BRINP1: variants seen among roughly 807,000 people sequenced by gnomAD.
The protein encoded by BRINP1 is BMP/retinoic acid inducible neural specific 1, also known as BMP/retinoic acid-inducible neural-specific protein 1.
Under a neutral mutation model 72.9 loss-of-function variants are expected in BRINP1, and 17 were observed. The observed-to-expected ratio is 0.23, with a 90% CI of 0.16 to 0.35. The LOEUF (loss-of-function observed/expected upper bound fraction) is 0.35. BRINP1 is among the 10% of genes least tolerant of loss of function. The pLI, the probability that BRINP1 is intolerant of heterozygous loss-of-function variation, is 1.00. For synonymous variants in BRINP1, 418 were observed against 378.5 expected (o/e 1.10, Z -1.21); for missense variants, 850 against 1,001.6 (o/e 0.85, Z 2.04).
chr9:119,341,274 G>A (rs1381941598), intron 1 of BRINP1, among the ~76,000 whole-genome samples: 3 of 152,118 alleles, frequency 2.0e-5, no homozygotes, highest in Non-Finnish European at 4.4e-5. Flanking sequence ...ATGGAGACTC[G>A]ATTTTTCATA....
chr9:119,323,023 T>G (rs1264879255), intron 1 of BRINP1, among the ~76,000 whole-genome samples: 2 of 152,180 alleles, frequency 1.3e-5, no homozygotes, highest in East Asian at 3.9e-4. Context: ...AATGCACTTT[T>G]TGGGGATTCT....
chr9:119,267,210 G>A (rs556623403), intron 2 of BRINP1, among the ~76,000 whole-genome samples: 9 of 152,296 alleles, frequency 5.9e-5, no homozygotes, highest in African/African-American at 2.2e-4. Context: ...GAAGAATCAT[G>A]GATACTTACT....
chr9:119,277,115 A>G (rs1830664713), intron 2 of BRINP1, among the ~76,000 whole-genome samples: 1 of 152,160 alleles, frequency 6.6e-6, no homozygotes, highest in Non-Finnish European at 1.5e-5. Context: ...TGCCTTTGAG[A>G]TTCGCTCAAG....
Position 119,240,140 on chromosome 9 carries a change from G to A in BRINP1, c.580-1380C>T, listed in dbSNP as rs139598538. ...AAAAATTAGCTGGGCATGGTGGCGC[G>A]CACCTGTAGTCCCAGCTACTTGGGA... On this transcript the variant is annotated intron_variant, in intron 4 of 7. Transcript: ENST00000265922. Among the ~76,000 whole-genome samples the A allele has an allele frequency of 6.0e-4, 91 of 152,122 alleles. No homozygotes were observed. In the East Asian group the frequency reaches 0.01, roughly 17 times the overall value.
At position 119,249,014 on chromosome 9, in the gene BRINP1, C is replaced by G; in HGVS notation, c.355G>C (p.Asp119His). ...GRRPTTQQFI[D>H]TIIKKYGTHL... is the part of the protein sequence containing the mutation. Reference sequence around the variant, plus strand: ...GTGCCGTACTTTTTGATGATGGTATCGATGAACTGCTGAGTGGTAGGTCTC... The same window carrying G: ...GTGCCGTACTTTTTGATGATGGTATGGATGAACTGCTGAGTGGTAGGTCTC... The change falls in exon 3 of 8, where the codon GAT (aspartate) becomes CAT (histidine). Residue 119 changes from aspartate to histidine, a missense_variant. By Grantham distance (81) the Asp-to-His change is moderately conservative (BLOSUM62 -1). Coordinates refer to ENST00000265922, the MANE Select transcript of BRINP1 (RefSeq NM_014618.3). 1 of 1,613,984 alleles carries G rather than the reference C, an allele frequency of 6.2e-7. No individual in the cohort carries two copies. Among genetic ancestry groups the G allele is most frequent in the South Asian group, 1.1e-5 (1 of 91,052 alleles).
intron 7 of BRINP1, among the ~76,000 whole-genome samples, chr9:119,196,144 C>T (rs1008630651): frequency 3.9e-5 from 6 of 152,092 alleles, no homozygotes; most frequent in African/African-American, 1.4e-4. Flanking sequence ...AGAGATGTGA[C>T]CATATTTAAG....
At chr9:119,360,138 C>T (rs1216096561) in intron 1 of BRINP1, among the ~76,000 whole-genome samples, 2 of 152,180 alleles carry the variant, frequency 1.3e-5, no homozygotes, top group Non-Finnish European at 2.9e-5. Flanking sequence ...TCTCTCAGTC[C>T]TCCCTAGCCT....
intron 7 of BRINP1, among the ~76,000 whole-genome samples, chr9:119,202,662 T>C (rs1829817669): frequency 6.6e-6 from 1 of 152,154 alleles, no homozygotes; most frequent in Non-Finnish European, 1.5e-5. Context: ...AGCTGCAGTC[T>C]GACACTAGGG....
intron 5 of BRINP1, among the ~76,000 whole-genome samples, chr9:119,233,844 G>A (rs530979056): frequency 4.6e-5 from 7 of 151,974 alleles, no homozygotes; most frequent in African/African-American, 1.5e-4. Flanking sequence ...TCCTAAAACC[G>A]TGTATTTGTT....
chr9:119,245,519 T>G (rs1235499852), intron 3 of BRINP1, among the ~76,000 whole-genome samples: 6 of 152,158 alleles, frequency 3.9e-5, no homozygotes, highest in Non-Finnish European at 5.9e-5. Flanking sequence ...TCTTGTGTGT[T>G]TTTCCCTTCA....
At chr9:119,354,120 A>G (rs1163557316) in intron 1 of BRINP1, among the ~76,000 whole-genome samples, 2 of 152,138 alleles carry the variant, frequency 1.3e-5, no homozygotes, top group Non-Finnish European at 2.9e-5. Context: ...ATCTGAAATA[A>G]TATGGATCAT....
intron 1 of BRINP1, among the ~76,000 whole-genome samples, chr9:119,341,183 G>C (rs1455261974): frequency 6.6e-6 from 1 of 152,094 alleles, no homozygotes; most frequent in African/African-American, 2.4e-5. Flanking sequence ...GCAAAAGTTG[G>C]GAAGACACCA....
chr9:119,246,435 C>G (rs748934520), intron 3 of BRINP1, among the ~76,000 whole-genome samples: 1 of 152,210 alleles, frequency 6.6e-6, no homozygotes, highest in Non-Finnish European at 1.5e-5. Context: ...GATGTTTCCT[C>G]TCCTTGAACA....
intron 5 of BRINP1, among the ~76,000 whole-genome samples, chr9:119,219,985 A>T (rs1284269936): frequency 6.6e-6 from 1 of 152,052 alleles, no homozygotes; most frequent in Non-Finnish European, 1.5e-5. Context: ...TGGCCCTCAC[A>T]TTTCTTTCTG....
intron 5 of BRINP1, among the ~76,000 whole-genome samples, chr9:119,233,335 G>A (rs1395202918): frequency 6.6e-6 from 1 of 151,666 alleles, no homozygotes; most frequent in African/African-American, 2.4e-5. Flanking sequence ...CTTCTTCATG[G>A]GAATCATGTT....
At chr9:119,354,926 T>C (rs1302301768) in intron 1 of BRINP1, among the ~76,000 whole-genome samples, 3 of 152,190 alleles carry the variant, frequency 2.0e-5, no homozygotes, top group African/African-American at 7.2e-5. Context: ...TAGGCATTAT[T>C]GTTCAGGCCA....
Position 119,167,726 on chromosome 9 carries a change from G to C in BRINP1, c.1644C>G (p.Ile548Met). 6.2e-7 allele frequency: 1 copy of C among 1,614,166 alleles called. No homozygotes were observed. Among genetic ancestry groups the C allele is most frequent in the East Asian group, 2.2e-5 (1 of 44,850 alleles). ...IHMVIGMSMRICQMRNSSLDP... is the reference protein window; with the variant it reads ...IHMVIGMSMRMCQMRNSSLDP... ...CCAGGCTGCTGTTGCGCATCTGGCA[G>C]ATGCGCATGGACATGCCGATCACCA... The change falls in exon 8 of 8, where the codon ATC (isoleucine) becomes ATG (methionine). Residue 548 changes from isoleucine (I) to methionine (M), a missense_variant. Coordinates refer to ENST00000265922, the MANE Select transcript of BRINP1 (RefSeq NM_014618.3). The surrounding 1 kb of genome is among the most constrained non-coding windows in gnomAD (Gnocchi z 4.3).
chr9:119,218,067 A>G (rs1829997934), intron 5 of BRINP1, among the ~76,000 whole-genome samples: 1 of 151,958 alleles, frequency 6.6e-6, no homozygotes, highest in Non-Finnish European at 1.5e-5. Flanking sequence ...TTTATTTCTA[A>G]TAGTTTTTCT....
intron 7 of BRINP1, among the ~76,000 whole-genome samples, chr9:119,168,596 A>G (rs1829350068): frequency 6.6e-6 from 1 of 152,260 alleles, no homozygotes; most frequent in Non-Finnish European, 1.5e-5. Flanking sequence ...CTGGATGACA[A>G]CATATTGTAA....
Sources: allele counts gnomAD v4.1 joint callset (sites outside exome capture counted in the v4.1 genomes callset), GRCh38; gene constraint gnomAD v4.1.1; non-coding constraint Gnocchi (gnomAD v3.1); transcripts MANE v1.5; gene names NCBI Gene and HGNC (gene_info 2026-07-23, HGNC 2026-07-21).